Variants in MAN2A1 observed in about 807,000 individuals in gnomAD.
MAN2A1 encodes the protein alpha-mannosidase 2.
MAN2A1 carries 76 observed loss-of-function variants against 142.6 expected under a neutral mutation model. The ratio of observed to expected loss-of-function variants is 0.53; its 90% CI spans 0.44 to 0.65. MAN2A1 has a LOEUF of 0.65. Among genes scored for constraint, MAN2A1 ranks in the 30% least tolerant of loss-of-function variants. The probability of loss-of-function intolerance (pLI) is 0.00; values close to 1 mark genes in which losing one functional copy is unlikely to be tolerated. For missense variants in MAN2A1, 1,311 were observed against 1,365.1 expected, an observed-to-expected ratio of 0.96 and a Z score of 0.62; for synonymous variants, 559 against 473.2, an observed-to-expected ratio of 1.18 and a Z score of -2.35.
At chr5:109,742,943 C>G (rs907406336) in intron 4 of MAN2A1, among the ~76,000 whole-genome samples, 1 of 152,198 alleles carries the variant, frequency 6.6e-6, no homozygotes, top group African/African-American at 2.4e-5. Flanking sequence ...CTCTCATTCC[C>G]TTCAACCACT....
Position 109,838,440 on chromosome 5 carries a change from A to AT in MAN2A1, c.2567-3883dup, listed in dbSNP as rs551316424. On this transcript the variant is annotated intron_variant, in intron 16 of 21. Coordinates refer to ENST00000261483, the MANE Select transcript of MAN2A1 (RefSeq NM_002372.4). ...GAGCCACTTTAGTAAAAAAAATAGCATTTTTGCTGCCATGTGATGCACAGG... is the reference window on the plus strand; with the variant it reads ...GAGCCACTTTAGTAAAAAAAATAGCATTTTTTGCTGCCATGTGATGCACAGG... Among the ~76,000 whole-genome samples the AT allele has an allele frequency of 1.4e-4, 21 of 152,152 alleles. No individual in the cohort carries two copies. In the East Asian group the frequency reaches 3.9e-3, roughly 28 times the overall value.
At chr5:109,863,606 A>G (rs1454454731) in intron 20 of MAN2A1, 1 of 152,226 alleles carries the variant, frequency 6.6e-6, no homozygotes, top group Non-Finnish European at 1.5e-5. Flanking sequence ...TAATACAAGC[A>G]TTACCTCCAT....
chr5:109,764,163 A>G (rs2112641105), intron 5 of MAN2A1, among the ~76,000 whole-genome samples: 1 of 152,256 alleles, frequency 6.6e-6, no homozygotes, highest in East Asian at 1.9e-4. Context: ...TTACAAATAT[A>G]TTTCCTGATT....
At chr5:109,779,812 G>A (rs1448446234) in intron 8 of MAN2A1, among the ~76,000 whole-genome samples, 1 of 152,098 alleles carries the variant, frequency 6.6e-6, no homozygotes, top group Admixed American at 6.5e-5. Flanking sequence ...GTTTGGTGAA[G>A]CCAAGATACA....
chr5:109,737,956 C>T (rs1283443991), intron 4 of MAN2A1, among the ~76,000 whole-genome samples: 1 of 152,064 alleles, frequency 6.6e-6, no homozygotes, highest in Non-Finnish European at 1.5e-5. Context: ...TGGCTCATAA[C>T]CCTTGATGAA....
At chr5:109,734,044 G>T (rs1752007042) in intron 4 of MAN2A1, among the ~76,000 whole-genome samples, 1 of 152,136 alleles carries the variant, frequency 6.6e-6, no homozygotes, top group Admixed American at 6.5e-5. Context: ...TTCAGCTCCT[G>T]TTATTGGTCT....
At position 109,689,998 on chromosome 5, in the gene MAN2A1, G is replaced by GGGTGAGGAGGACACGCCTGCCCTC. The variant is rs1750615918; in HGVS notation, c.-418_-395dup. The GGGTGAGGAGGACACGCCTGCCCTC allele has an allele frequency of 5.6e-6, 1 of 177,588 alleles. No homozygotes were observed. Among genetic ancestry groups the GGGTGAGGAGGACACGCCTGCCCTC allele is most frequent in the African/African-American group, 2.4e-5 (1 of 41,626 alleles). The allele number at this position is 177,588 out of a possible 1,614,324, so 11.0% of individuals were successfully genotyped here. On this transcript the variant is annotated 5_prime_UTR_variant, in exon 1 of 22. Transcript: ENST00000261483. ...GAGCTGCCGAACCCGCGCCTCCCCTGGGTGAGGAGGACACGCCTGCCCTCG... is the reference window on the plus strand; with the variant it reads ...GAGCTGCCGAACCCGCGCCTCCCCTGGGTGAGGAGGACACGCCTGCCCTCGGTGAGGAGGACACGCCTGCCCTCG...
intron 16 of MAN2A1, among the ~76,000 whole-genome samples, chr5:109,840,947 T>G (rs1321391214): frequency 1.3e-5 from 2 of 152,232 alleles, no homozygotes; most frequent in African/African-American, 4.8e-5. Context: ...CACCTTCTGC[T>G]AAGCTCTGGG....
At position 109,867,692 on chromosome 5, in the gene MAN2A1, A is replaced by T. The variant is rs554110695; in HGVS notation, c.*694A>T. Reference sequence around the variant, plus strand: ...ATGTGGGATGGGTGCAATTTATTCCATCTTCACTAAAATAGAAGCAATTCC... The same window carrying T: ...ATGTGGGATGGGTGCAATTTATTCCTTCTTCACTAAAATAGAAGCAATTCC... On this transcript the variant is annotated 3_prime_UTR_variant, in exon 22 of 22. Transcript: ENST00000261483. 1 of 152,616 alleles carries T rather than the reference A, an allele frequency of 6.6e-6. No individual in the cohort carries two copies. The highest frequency in any genetic ancestry group is 1.5e-5 in the Non-Finnish European group (1 of 68,026). 9.5% of individuals were successfully genotyped at this position (152,616 alleles called of 1,614,324 possible).
At chr5:109,834,623 A>G (rs1390669541) in intron 16 of MAN2A1, among the ~76,000 whole-genome samples, 1 of 152,226 alleles carries the variant, frequency 6.6e-6, no homozygotes, top group Admixed American at 6.5e-5. Context: ...AATGAAAGGC[A>G]TAAAGTAGGT....
At chr5:109,801,322 G>A (rs1754025786) in intron 12 of MAN2A1, among the ~76,000 whole-genome samples, 1 of 152,182 alleles carries the variant, frequency 6.6e-6, no homozygotes, top group Non-Finnish European at 1.5e-5. Context: ...ATGAGCAAAG[G>A]AGGAAGGTCA....
At chr5:109,857,545 T>A (rs1206738326) in intron 20 of MAN2A1, among the ~76,000 whole-genome samples, 1 of 152,164 alleles carries the variant, frequency 6.6e-6, no homozygotes, top group Non-Finnish European at 1.5e-5. Context: ...GCTCCTCCAC[T>A]GTAGTTGTTT....
chr5:109,818,370 C>G (rs1754528167), intron 13 of MAN2A1, among the ~76,000 whole-genome samples: 1 of 151,892 alleles, frequency 6.6e-6, no homozygotes, highest in Admixed American at 6.6e-5. Context: ...ACTCCTGACC[C>G]CGTGATCCAC....
At chr5:109,794,963 T>C (rs190671585) in intron 12 of MAN2A1, among the ~76,000 whole-genome samples, 162 of 152,254 alleles carry the variant, frequency 1.1e-3, no homozygotes, top group African/African-American at 3.8e-3. Context: ...ACTGGAGTGT[T>C]TTCAGAAAGG....
At chr5:109,724,320 C>G (rs1245404558) in intron 3 of MAN2A1, among the ~76,000 whole-genome samples, 1 of 152,166 alleles carries the variant, frequency 6.6e-6, no homozygotes, top group African/African-American at 2.4e-5. Flanking sequence ...ACCTGTTGGG[C>G]ACTGTGTTCA....
chr5:109,729,203 T>C, intron 3 of MAN2A1, 139 bp from the exon 4 acceptor site: 2 of 496,072 alleles, frequency 4.0e-6, no homozygotes, highest in Non-Finnish European at 7.0e-6. Context: ...GTTTCATTAA[T>C]TGAAAACACC....
chr5:109,692,218 G>C (rs753779167), intron 1 of MAN2A1, among the ~76,000 whole-genome samples: 1 of 152,120 alleles, frequency 6.6e-6, no homozygotes, highest in African/African-American at 2.4e-5. Flanking sequence ...TTCCAGTATT[G>C]TAATATCTAT....
chr5:109,849,192 C>T (rs759856808), intron 19 of MAN2A1, among the ~76,000 whole-genome samples: 2 of 152,104 alleles, frequency 1.3e-5, no homozygotes, highest in Non-Finnish European at 2.9e-5. Flanking sequence ...CCCTGGCCTT[C>T]TCCTTTTCTT....
At chr5:109,823,489 T>C (rs1327103497) in intron 15 of MAN2A1, among the ~76,000 whole-genome samples, 2 of 152,244 alleles carry the variant, frequency 1.3e-5, no homozygotes, top group African/African-American at 2.4e-5. Flanking sequence ...GAATGCTTTC[T>C]AGACCAGTGA....
Sources: gnomAD v4.1 joint callset for allele counts (sites outside exome capture counted in the v4.1 genomes callset) on GRCh38, gnomAD v4.1.1 for gene constraint, MANE v1.5 for transcripts, NCBI Gene and HGNC (gene_info 2026-07-23, HGNC 2026-07-21) for gene names.